RPL15: variants seen among roughly 807,000 people sequenced by gnomAD.
RPL15 encodes ribosomal protein L15.
For missense variants in RPL15, 161 were observed against 271.8 expected (o/e 0.59, Z 2.87); for synonymous variants, 97 against 95.1 (o/e 1.02, Z -0.12).
At chr3:23,916,734 G>GGAGACGCA (rs1171164475), upstream of RPL15, 1 of 152,766 alleles carries the variant, frequency 6.5e-6, no homozygotes, top group Non-Finnish European at 1.5e-5. Flanking sequence ...GCGGAGACGC[G>GGAGACGCA]GAGACGCAGA....
Position 23,920,678 on chromosome 3 carries a change from G to A in RPL15, c.*1177G>A. On this transcript the variant is annotated 3_prime_UTR_variant, in exon 4 of 4. Coordinates refer to ENST00000307839, the MANE Select transcript of RPL15 (RefSeq NM_002948.5). ...CCAATTTTCTCCTATCTTCTCTAGG[G>A]GTTTCAAAAGACTCAGTTAATTGAT... The A allele has an allele frequency of 2.0e-6, 2 of 985,110 alleles. No individual in the cohort carries two copies. The highest frequency in any genetic ancestry group is 3.5e-5 in the African/African-American group (2 of 57,288). The allele number at this position is 985,110 out of a possible 1,614,324, so 61.0% of individuals were successfully genotyped here.
rs555873785 is a variant in RPL15, at chr3:23,920,627, G to T, written c.*1126G>T. The T allele has an allele frequency of 3.4e-4, 338 of 985,036 alleles. 5 individuals carry two copies. In the South Asian group the frequency reaches 0.015, roughly 43 times the overall value. 61.0% of individuals were successfully genotyped at this position (985,036 alleles called of 1,614,324 possible). On this transcript the variant is annotated 3_prime_UTR_variant, in exon 4 of 4. Transcript: ENST00000307839. ...CCCAATTTTAAATTCTGACTTTGCT[G>T]ACTTAATTTAAATGCTCGTTCTGAA...
At position 23,919,948 on chromosome 3, in the gene RPL15, T is replaced by G; in HGVS notation, c.*447T>G. 1.0e-6 allele frequency: 1 copy of G among 989,012 alleles called. No homozygotes were observed. The highest frequency in any genetic ancestry group is 1.2e-6 in the Non-Finnish European group (1 of 832,058). The allele number at this position is 989,012 out of a possible 1,614,324, so 61.3% of individuals were successfully genotyped here. On this transcript the variant is annotated 3_prime_UTR_variant, in exon 4 of 4. Transcript: ENST00000307839. ...AAGTTGGGCTTTAGAAAATCTGGGT[T>G]AGCCTGAAGAAAATTGCCTCAGCCT...
downstream of RPL15, chr3:23,923,611 A>G (rs1705154428): frequency 6.6e-6 from 1 of 152,164 alleles, no homozygotes; most frequent in Admixed American, 6.5e-5. Flanking sequence ...GGACATTTAA[A>G]TTTCTTCCAA....
downstream of RPL15, chr3:23,922,834 T>A (rs566497833): frequency 2.0e-5 from 3 of 152,210 alleles, no homozygotes; most frequent in South Asian, 6.2e-4. The surrounding 1 kb of genome is among the most constrained non-coding windows in gnomAD (Gnocchi z 4.2). Flanking sequence ...TGAGACAGGG[T>A]CTCACTGTTG....
intron 1 of RPL15, 61 bp from the exon 2 acceptor site, chr3:23,917,789 G>C: frequency 6.7e-7 from 1 of 1,484,552 alleles, no homozygotes; most frequent in Non-Finnish European, 9.1e-7. Context: ...AAGATGGACG[G>C]ATACAGTCGT....
intron 3 of RPL15, 50 bp downstream of exon 3, chr3:23,918,626 GGA>G (rs763159262): frequency 7.0e-6 from 11 of 1,581,886 alleles, no homozygotes; most frequent in Admixed American, 3.7e-5. Flanking sequence ...GGGGATGGTG[GGA>G]GAGAGAGATT....
chr3:23,917,634 GC>G, intron 1 of RPL15: 1 of 500,130 alleles, frequency 2.0e-6, no homozygotes, highest in Non-Finnish European at 3.5e-6. Context: ...ACCAAAACGT[GC>G]CGAGCACCGC....
At position 23,920,190 on chromosome 3, in the gene RPL15, T is replaced by C; in HGVS notation, c.*689T>C. ...CCATTAGATAAATACCTTTCAAGTG[T>C]GAGCTTAGACGTCAACCCTAAAATA... On this transcript the variant is annotated 3_prime_UTR_variant, in exon 4 of 4. Transcript: ENST00000307839. 1.0e-6 allele frequency: 1 copy of C among 985,868 alleles called. No individual in the cohort carries two copies. Among genetic ancestry groups the C allele is most frequent in the Non-Finnish European group, 1.2e-6 (1 of 829,938 alleles). The allele number at this position is 985,868 out of a possible 1,614,324, so 61.1% of individuals were successfully genotyped here. A position where few individuals can be genotyped will look rare whatever the true frequency, so the allele number is the denominator to read the frequency against.
upstream of RPL15, chr3:23,916,967 T>C (rs769319392): frequency 6.6e-6 from 1 of 152,650 alleles, no homozygotes; most frequent in South Asian, 2.1e-4. Context: ...GGCTCGAATC[T>C]TGCGGAGCAG....
chr3:23,916,567 G>A (rs1487714707), upstream of RPL15: 1 of 152,284 alleles, frequency 6.6e-6, no homozygotes, highest in Non-Finnish European at 1.5e-5. Flanking sequence ...ACGCAGTCTG[G>A]AGCTGAAGGG....
rs1206583915 is a variant in RPL15, at chr3:23,919,940, A to G, written c.*439A>G. The G allele has an allele frequency of 2.0e-5, 20 of 989,426 alleles. No individual in the cohort carries two copies. The highest frequency in any genetic ancestry group is 2.2e-5 in the Non-Finnish European group (18 of 832,470). The allele number at this position is 989,426 out of a possible 1,614,324, so 61.3% of individuals were successfully genotyped here. A position where few individuals can be genotyped will look rare whatever the true frequency, so the allele number is the denominator to read the frequency against. ...GACTTTTTAAGTTGGGCTTTAGAAA[A>G]TCTGGGTTAGCCTGAAGAAAATTGC... On this transcript the variant is annotated 3_prime_UTR_variant, in exon 4 of 4. Coordinates refer to ENST00000307839, the MANE Select transcript of RPL15 (RefSeq NM_002948.5).
At chr3:23,921,682 C>T (rs781286471), downstream of RPL15, 5 of 619,768 alleles carry the variant, frequency 8.1e-6, no homozygotes, top group East Asian at 1.2e-4. Context: ...TTGAGCAATT[C>T]TTCTGCCTCG....
upstream of RPL15, chr3:23,916,961 C>G (rs1234865351): frequency 6.6e-6 from 1 of 152,642 alleles, no homozygotes; most frequent in Non-Finnish European, 1.5e-5. Flanking sequence ...CGCTCAGGCT[C>G]GAATCTTGCG....
Position 23,920,862 on chromosome 3 carries a change from T to C in RPL15, c.*1361T>C. 3.6e-6 allele frequency: 3 copies of C among 833,516 alleles called. No homozygotes were observed. The highest frequency in any genetic ancestry group is 4.3e-6 in the Non-Finnish European group (3 of 691,576). 51.6% of individuals were successfully genotyped at this position (833,516 alleles called of 1,614,324 possible). Reference sequence around the variant, plus strand: ...ACTAAAACAAATGGACCTTCTGTTATTTTTTGTCATCTTACAGTGCTAATG... The same window carrying C: ...ACTAAAACAAATGGACCTTCTGTTACTTTTTGTCATCTTACAGTGCTAATG... On this transcript the variant is annotated 3_prime_UTR_variant, in exon 4 of 4. Transcript: ENST00000307839.
chr3:23,918,562 C>A lies in RPL15; in HGVS notation c.295C>A (p.Gln99Lys). ...CCAGCTAAAGTTTGCTCGAAGCCTT[C>A]AGTCCGTTGCAGAGGTAAATGGTTT... ...VNQLKFARSL[Q>K]SVAEERAGRH... Residue 99 changes from glutamine (Q) to lysine (K), a missense_variant, in exon 3 of 4, where the codon CAG (glutamine) becomes AAG (lysine). By Grantham distance (53) the Gln-to-Lys change is moderately conservative. Coordinates refer to ENST00000307839, the MANE Select transcript of RPL15 (RefSeq NM_002948.5). 3 of 1,613,826 alleles carry A rather than the reference C, an allele frequency of 1.9e-6. No individual in the cohort carries two copies. The highest frequency in any genetic ancestry group is 2.5e-6 in the Non-Finnish European group (3 of 1,179,916).
At chr3:23,916,941 ACGCCCAGG>A (rs1704599796), upstream of RPL15, 1 of 152,524 alleles carries the variant, frequency 6.6e-6, no homozygotes, top group African/African-American at 2.4e-5. Context: ...ACCTCTCGAG[ACGCCCAGG>A]CCGCTCAGGC....
At chr3:23,922,915 C>A (rs980726382), downstream of RPL15, 3 of 152,164 alleles carry the variant, frequency 2.0e-5, no homozygotes, top group Non-Finnish European at 4.4e-5. This position sits in a 1 kb window ranked among gnomAD's most constrained non-coding sequence, Gnocchi z 4.2. Flanking sequence ...GCAATCCTCC[C>A]ACCTCAGCCT....
At chr3:23,918,828 T>C in intron 3 of RPL15, 1 of 539,728 alleles carries the variant, frequency 1.9e-6, no homozygotes, top group South Asian at 2.6e-5. Context: ...AGACCAAATG[T>C]GGCCTGCACA....
Sources: gnomAD v4.1 joint callset for allele counts on GRCh38, gnomAD v4.1.1 for gene constraint, Gnocchi (gnomAD v3.1) non-coding constraint, MANE v1.5 for transcripts, NCBI Gene and HGNC (gene_info 2026-07-23, HGNC 2026-07-21) for gene names.